Variants in GLT8D2 observed in about 807,000 individuals in gnomAD.
GLT8D2 encodes glycosyltransferase 8 domain containing 2.
Under a neutral mutation model 44.5 loss-of-function variants are expected in GLT8D2, and 45 were observed. The observed-to-expected ratio is 1.01, with a 90% CI of 0.80 to 1.30. GLT8D2 has a LOEUF of 1.30. Ranked by LOEUF, GLT8D2 falls within the 50% of genes most tolerant of loss-of-function variation. The probability of loss-of-function intolerance (pLI) is 0.00; values close to 1 mark genes in which losing one functional copy is unlikely to be tolerated. For synonymous variants in GLT8D2, 156 were observed against 157.2 expected, an observed-to-expected ratio of 0.99 and a Z score of 0.06; for missense variants, 400 against 430.4, an observed-to-expected ratio of 0.93 and a Z score of 0.62.
At chr12:103,991,150 G>A (rs1452394094) in intron 10 of GLT8D2, among the ~76,000 whole-genome samples, 1 of 152,176 alleles carries the variant, frequency 6.6e-6, no homozygotes, top group African/African-American at 2.4e-5. Context: ...CCTTTGGGAA[G>A]AGTATGTCCC....
At chr12:104,031,427 G>T (rs1388036864) in intron 1 of GLT8D2, 3 of 1,611,968 alleles carry the variant, frequency 1.9e-6, no homozygotes. Flanking sequence ...TATTCCCATT[G>T]TCTATGAATT....
intron 10 of GLT8D2, 86 bp from the exon 11 acceptor site, chr12:103,989,663 A>G: frequency 8.2e-7 from 1 of 1,213,120 alleles, no homozygotes; most frequent in Non-Finnish European, 1.2e-6. Context: ...CATAGTTTAA[A>G]AAAAGGTAAA....
At chr12:104,040,161 G>A (rs1401583102) in intron 1 of GLT8D2, among the ~76,000 whole-genome samples, 1 of 152,160 alleles carries the variant, frequency 6.6e-6, no homozygotes, top group South Asian at 2.1e-4. Flanking sequence ...GTGGGAGCAG[G>A]GGGAGGGATA....
intron 1 of GLT8D2, among the ~76,000 whole-genome samples, chr12:104,044,892 C>T (rs1593571130): frequency 2.0e-5 from 3 of 152,204 alleles, no homozygotes; most frequent in South Asian, 2.1e-4. Context: ...TCACCAGATC[C>T]ACCAGTTGCT....
At chr12:104,026,504 G>C (rs372856088) in intron 1 of GLT8D2, among the ~76,000 whole-genome samples, 46 of 152,092 alleles carry the variant, frequency 3.0e-4, no homozygotes, top group African/African-American at 1.1e-3. Context: ...TTTGTTTCCC[G>C]GTTTTCCCAA....
Position 103,994,317 on chromosome 12 carries a change from A to G in GLT8D2, c.767+18T>C. 6.3e-7 allele frequency: 1 copy of G among 1,583,000 alleles called. No homozygotes were observed. The highest frequency in any genetic ancestry group is 8.6e-7 in the Non-Finnish European group (1 of 1,160,308). On this transcript the variant is annotated intron_variant, in intron 9 of 10. Coordinates refer to ENST00000360814, the MANE Select transcript of GLT8D2 (RefSeq NM_001384711.1). The stretch of plus-strand genomic sequence containing the variant: ...TGTTTCCAAGCATGGAAAAAATGGT[A>G]GAGAAGCCTTCACGTACTCCACATT...
At chr12:104,050,848 T>TA (rs1243199270), upstream of GLT8D2, among the ~76,000 whole-genome samples, 4 of 145,086 alleles carry the variant, frequency 2.8e-5, no homozygotes, top group Non-Finnish European at 4.5e-5. Context: ...GGAGTCTCCC[T>TA]CTGTCTCCCA....
intron 1 of GLT8D2, among the ~76,000 whole-genome samples, chr12:104,024,827 T>G (rs888054135): frequency 9.9e-5 from 15 of 152,258 alleles, no homozygotes; most frequent in South Asian, 6.2e-4. Context: ...TCCCAGCACT[T>G]TGAGAGGTTG....
intron 7 of GLT8D2, 78 bp downstream of exon 7, chr12:103,997,373 T>C: frequency 9.7e-7 from 1 of 1,030,236 alleles, no homozygotes; most frequent in Non-Finnish European, 1.5e-6. Flanking sequence ...AATTAGTTAT[T>C]TGAAAAATGA....
At position 103,989,180 on chromosome 12, in the gene GLT8D2, T is replaced by C; in HGVS notation, c.*228A>G. On this transcript the variant is annotated 3_prime_UTR_variant, in exon 11 of 11. Transcript: ENST00000360814. The stretch of plus-strand genomic sequence containing the variant: ...TGTTATCTAGATGGGTCTCTTCCTT[T>C]ATGTTTTTCAGTCACATAATCTTGA... The C allele has an allele frequency of 2.7e-6, 1 of 364,442 alleles. No individual in the cohort carries two copies. The allele number at this position is 364,442 out of a possible 1,614,324, so 22.6% of individuals were successfully genotyped here.
chr12:104,021,255 A>G (rs1416092174), intron 2 of GLT8D2, 102 bp downstream of exon 2: 2 of 152,196 alleles, frequency 1.3e-5, no homozygotes, highest in Non-Finnish European at 2.9e-5. Flanking sequence ...GAGCAGGGAA[A>G]AGCTAACCTG....
intron 1 of GLT8D2, among the ~76,000 whole-genome samples, chr12:104,037,950 T>C (rs1880092770): frequency 6.6e-6 from 1 of 152,180 alleles, no homozygotes; most frequent in South Asian, 2.1e-4. Context: ...TCCACCACGA[T>C]CAAGTTGGCC....
At chr12:104,012,852 T>G in intron 4 of GLT8D2, 1 of 694,438 alleles carries the variant, frequency 1.4e-6, no homozygotes, top group Middle Eastern at 2.3e-4. Context: ...AAGAGGAGAA[T>G]CACACAGAGG....
intron 1 of GLT8D2, among the ~76,000 whole-genome samples, chr12:104,049,175 G>C (rs1881471872): frequency 7.1e-6 from 1 of 140,192 alleles, no homozygotes; most frequent in Admixed American, 7.5e-5. Context: ...CAAACAACGA[G>C]AGGACTGATT....
At chr12:104,027,348 G>A (rs1257823303) in intron 1 of GLT8D2, among the ~76,000 whole-genome samples, 1 of 152,196 alleles carries the variant, frequency 6.6e-6, no homozygotes, top group Non-Finnish European at 1.5e-5. Context: ...CTTTGGCCAT[G>A]TGGCTCCTCC....
chr12:103,997,308 C>T (rs1339202938), intron 7 of GLT8D2, 143 bp downstream of exon 7: 1 of 673,866 alleles, frequency 1.5e-6, no homozygotes, highest in Non-Finnish European at 2.6e-6. Flanking sequence ...AATACTTCCA[C>T]ATTTACAACA....
chr12:104,060,734 G>T (rs943723500), intron 1 of GLT8D2, among the ~76,000 whole-genome samples: 1 of 152,098 alleles, frequency 6.6e-6, no homozygotes, highest in Non-Finnish European at 1.5e-5. Flanking sequence ...ACCAGCATGG[G>T]AAACATGGTA....
chr12:104,050,584 G>A (rs1340055055), upstream of GLT8D2, among the ~76,000 whole-genome samples: 54 of 152,130 alleles, frequency 3.5e-4, no homozygotes, highest in Non-Finnish European at 8.8e-5. Context: ...AGAGAGGAAT[G>A]AGGCAGGGAG....
chr12:103,994,400 G>A lies in GLT8D2; in HGVS notation c.702C>T (p.Asn234=). 7 of 1,614,062 alleles carry A rather than the reference G, an allele frequency of 4.3e-6. No individual in the cohort carries two copies. Among genetic ancestry groups the A allele is most frequent in the Non-Finnish European group, 5.9e-6 (7 of 1,179,990 alleles). The change falls in exon 9 of 11, where the codon AAC becomes AAT. Residue 234 remains asparagine, a synonymous_variant. Coordinates refer to ENST00000360814, the MANE Select transcript of GLT8D2 (RefSeq NM_001384711.1). Reference sequence around the variant, plus strand: ...TGCGCTGGTGCTTCCATTCTGTCATGTTGGCAACAATCACACCAGGATTGA... The same window carrying A: ...TGCGCTGGTGCTTCCATTCTGTCATATTGGCAACAATCACACCAGGATTGA... ...CSFNPGVIVA[N]MTEWKHQRIT... is the part of the protein sequence containing the mutation.
Sources: gnomAD v4.1 joint callset for allele counts (sites outside exome capture counted in the v4.1 genomes callset) on GRCh38, gnomAD v4.1.1 for gene constraint, MANE v1.5 for transcripts, NCBI Gene and HGNC (gene_info 2026-07-23, HGNC 2026-07-21) for gene names.